The following RSF1 variants were observed in gnomAD, a reference collection of about 807,000 sequenced individuals.
RSF1 encodes the protein remodeling and spacing factor 1.
In RSF1, 13 loss-of-function variants were observed where a neutral mutation model predicts 145.2. The ratio of observed to expected loss-of-function variants is 0.09; its 90% CI spans 0.06 to 0.14. The LOEUF (loss-of-function observed/expected upper bound fraction) is 0.14, where lower values mean the gene tolerates loss of function less well. RSF1 is among the 10% of genes least tolerant of loss of function. RSF1 has a pLI of 1.00. For missense variants in RSF1, 1,517 were observed against 1,718.2 expected (o/e 0.88, Z 2.07); for synonymous variants, 577 against 592.6 (o/e 0.97, Z 0.38).
chr11:77,682,277 C>T (rs1813087514), intron 11 of RSF1, among the ~76,000 whole-genome samples: 1 of 152,068 alleles, frequency 6.6e-6, no homozygotes, highest in Non-Finnish European at 1.5e-5. Context: ...ATTACTGATG[C>T]AAGTTTATAA....
At chr11:77,851,568 TG>T in the RSF1 span, 2 of 152,148 alleles carry the variant, frequency 1.3e-5, no homozygotes, top group African/African-American at 4.8e-5. Flanking sequence ...TGGGGCTTGG[TG>T]GGAGGTAATT....
At chr11:77,688,298 A>G (rs1960063889) in intron 9 of RSF1, among the ~76,000 whole-genome samples, 1 of 152,158 alleles carries the variant, frequency 6.6e-6, no homozygotes, top group Non-Finnish European at 1.5e-5. Context: ...ACTCTGTCTC[A>G]AAACAAAACA....
At chr11:77,772,994 C>T (rs370510038) in intron 1 of RSF1, among the ~76,000 whole-genome samples, 73 of 152,156 alleles carry the variant, frequency 4.8e-4, no homozygotes, top group African/African-American at 1.6e-3. Context: ...CCACTTTCTG[C>T]GCAGCTTTGT....
chr11:77,865,495 T>C, the RSF1 span, among the ~76,000 whole-genome samples: 2 of 152,350 alleles, frequency 1.3e-5, no homozygotes, highest in South Asian at 2.1e-4. Flanking sequence ...CAAACCTATA[T>C]ATGAAATCAT....
At chr11:77,790,356 T>C (rs963655429) in intron 1 of RSF1, among the ~76,000 whole-genome samples, 7 of 152,092 alleles carry the variant, frequency 4.6e-5, no homozygotes, top group Non-Finnish European at 7.4e-5. Context: ...GAGAAAGACC[T>C]GCCCTCATGT....
the RSF1 span, among the ~76,000 whole-genome samples, chr11:77,830,987 C>CAAAAAAAA: frequency 9.9e-6 from 1 of 100,514 alleles, no homozygotes; most frequent in Non-Finnish European, 2.0e-5. Context: ...CAAAATATAC[C>CAAAAAAAA]AAAAAAAAAA....
chr11:77,729,711 A>G (rs908370677), intron 4 of RSF1, among the ~76,000 whole-genome samples: 1 of 151,900 alleles, frequency 6.6e-6, no homozygotes, highest in African/African-American at 2.4e-5. Context: ...GTATTATGTA[A>G]TATCTCCCTG....
At chr11:77,781,650 GT>G (rs949077042) in intron 1 of RSF1, among the ~76,000 whole-genome samples, 2 of 151,994 alleles carry the variant, frequency 1.3e-5, no homozygotes, top group South Asian at 2.1e-4. Flanking sequence ...TTTAAAGAAT[GT>G]TTTTTTCTTT....
chr11:77,833,273 C>T, the RSF1 span, among the ~76,000 whole-genome samples: 1 of 151,832 alleles, frequency 6.6e-6, no homozygotes, highest in Admixed American at 6.6e-5. Context: ...AATAATTATA[C>T]AACTGACCAT....
upstream of RSF1, chr11:77,820,992 T>C (rs1948871824): frequency 1.4e-5 from 7 of 499,382 alleles, no homozygotes; most frequent in East Asian, 2.3e-4. Flanking sequence ...TGCCACTGCC[T>C]CGTGTGACAG....
At chr11:77,746,956 T>C (rs1169592884) in intron 3 of RSF1, 80 bp downstream of exon 3, 1 of 816,852 alleles carries the variant, frequency 1.2e-6, no homozygotes, top group East Asian at 2.8e-5. Context: ...TGTCTACTTT[T>C]TGTTTATTTT....
intron 2 of RSF1, among the ~76,000 whole-genome samples, chr11:77,753,860 G>A (rs942264592): frequency 4.6e-5 from 7 of 152,158 alleles, no homozygotes; most frequent in Admixed American, 1.3e-4. Flanking sequence ...GGCTCCACGT[G>A]GACCTGCCAA....
chr11:77,769,118 C>T (rs982476259), intron 1 of RSF1, among the ~76,000 whole-genome samples: 9 of 152,018 alleles, frequency 5.9e-5, no homozygotes, highest in Admixed American at 2.0e-4. Flanking sequence ...AGTGCAGTGG[C>T]GCAATCTCAG....
rs193028997 is a variant in RSF1, at chr11:77,797,108, C to T, written c.187+23420G>A. Among the ~76,000 whole-genome samples, 435 of 152,286 alleles carry T rather than the reference C, an allele frequency of 2.9e-3. 5 individuals are homozygous for T. The highest frequency in any genetic ancestry group is 0.01 in the African/African-American group (418 of 41,556). On this transcript the variant is annotated intron_variant, in intron 1 of 15. Transcript: ENST00000308488. Reference sequence around the variant, plus strand: ...CCAAAAGTAATTTATAGATTCAATGCTATCCCCATCAAGCTACCGCTGACT... The same window carrying T: ...CCAAAAGTAATTTATAGATTCAATGTTATCCCCATCAAGCTACCGCTGACT...
At chr11:77,716,817 T>C (rs915343286) in intron 5 of RSF1, among the ~76,000 whole-genome samples, 1 of 152,166 alleles carries the variant, frequency 6.6e-6, no homozygotes, top group Non-Finnish European at 1.5e-5. Flanking sequence ...TTTTAGACAT[T>C]CCACAATATG....
At chr11:77,796,294 T>G (rs1259525477) in intron 1 of RSF1, among the ~76,000 whole-genome samples, 1 of 152,050 alleles carries the variant, frequency 6.6e-6, no homozygotes, top group African/African-American at 2.4e-5. Context: ...CAGCAGCACA[T>G]CAAAAAGCTT....
At chr11:77,705,294 GA>G (rs1839856232) in intron 5 of RSF1, among the ~76,000 whole-genome samples, 1 of 152,110 alleles carries the variant, frequency 6.6e-6, no homozygotes, top group Admixed American at 6.6e-5. Context: ...GTGACCAAAG[GA>G]AAAATTCACT....
At chr11:77,727,601 C>T (rs955079370) in intron 4 of RSF1, among the ~76,000 whole-genome samples, 20 of 151,526 alleles carry the variant, frequency 1.3e-4, no homozygotes, top group African/African-American at 2.7e-4. Flanking sequence ...CTCAGACTCC[C>T]GAGTAGCTGG....
intron 1 of RSF1, among the ~76,000 whole-genome samples, chr11:77,804,878 T>G (rs970418488): frequency 1.3e-5 from 2 of 152,204 alleles, no homozygotes; most frequent in South Asian, 4.1e-4. Context: ...TCAAGTCAAA[T>G]TATATTTCTT....
Sources: allele counts gnomAD v4.1 joint callset (sites outside exome capture counted in the v4.1 genomes callset), GRCh38; gene constraint gnomAD v4.1.1; transcripts MANE v1.5; gene names NCBI Gene and HGNC (gene_info 2026-07-23, HGNC 2026-07-21).